The following USH1C variants were observed in gnomAD, a reference collection of about 807,000 sequenced individuals.
USH1C encodes harmonin.
In USH1C, 90 loss-of-function variants were observed where a neutral mutation model predicts 119.3. That is an observed-to-expected ratio of 0.75 (90% CI 0.64 to 0.90). USH1C has a LOEUF of 0.90. USH1C is among the 40% of genes least tolerant of loss of function. USH1C has a pLI of 0.00. For synonymous variants in USH1C, 465 were observed against 443.3 expected (o/e 1.05, Z -0.62); for missense variants, 1,165 against 1,167.7 (o/e 1.00, Z 0.03).
Position 17,498,299 on chromosome 11 carries a change from A to G in USH1C, c.2381-28T>C, listed in dbSNP as rs773197570. On this transcript the variant is annotated intron_variant, in intron 23 of 26. Transcript: ENST00000005226. Reference sequence around the variant, plus strand: ...GCAGGCAGATGAGGCTGATTGGCCAACTGGGCTGTATGTGACACGTGCCTG... The same window carrying G: ...GCAGGCAGATGAGGCTGATTGGCCAGCTGGGCTGTATGTGACACGTGCCTG... 11 of 1,607,150 alleles carry G rather than the reference A, an allele frequency of 6.8e-6. No individual in the cohort carries two copies. The Admixed American group carries it at 1.5e-4, about 22-fold the overall frequency.
intron 22 of USH1C, 120 bp downstream of exon 22, chr11:17,501,362 G>A (rs1231492532): frequency 8.2e-7 from 1 of 1,221,706 alleles, no homozygotes; most frequent in Non-Finnish European, 1.2e-6. Context: ...GAGAGGGGAG[G>A]ACAGTGGGGA....
chr11:17,523,224 A>G lies in USH1C; in HGVS notation c.863T>C (p.Ile288Thr), dbSNP rs1850498077. 6.2e-7 allele frequency: 1 copy of G among 1,614,154 alleles called. No individual in the cohort carries two copies. The highest frequency in any genetic ancestry group is 2.2e-5 in the East Asian group (1 of 44,872). The change falls in exon 11 of 27, where the codon ATT becomes ACT. Residue 288 changes from isoleucine to threonine, a missense_variant. Physicochemically the swap from Ile to Thr is moderately conservative, Grantham distance 89 (BLOSUM62 -1). Transcript: ENST00000005226. ...LKSSRSLTIS[I>T]VAAAGRELFM... ...TTCTGGACTTACAGCTGCAGCTACA[A>G]TGGAGATGGTCAGGCTGCGGCTACT...
Position 17,520,855 on chromosome 11 carries a change from G to C in USH1C, c.1210+15C>G. On this transcript the variant is annotated intron_variant, in intron 14 of 26. Coordinates refer to ENST00000005226, the MANE Select transcript of USH1C (RefSeq NM_153676.4). ...CTAGTTCCCTTAGCCTCTCCCCTCG[G>C]CTCATGAAACTTACACTTTGGCTTG... is the stretch of plus-strand genomic sequence containing the variant. 6.2e-7 allele frequency: 1 copy of C among 1,614,128 alleles called. No homozygotes were observed. Among genetic ancestry groups the C allele is most frequent in the South Asian group, 1.1e-5 (1 of 91,078 alleles).
In USH1C at chr11:17,509,525, T is replaced by C; in HGVS notation, c.1844A>G (p.Asp615Gly). Residue 615 changes from aspartate to glycine, a missense_variant, in exon 18 of 27, where the codon GAC (aspartate) becomes GGC (glycine). By Grantham distance (94) the Asp-to-Gly change is moderately conservative. Transcript: ENST00000005226. ...GGGCAGTGGGCGGGTGGGAGTGAGGTCTTGGGTGGGAACGGATGGCGGGGG... is the reference window on the plus strand; with the variant it reads ...GGGCAGTGGGCGGGTGGGAGTGAGGCCTTGGGTGGGAACGGATGGCGGGGG... ...IPPPPSVPTQ[D>G]LTPTRPLPSA... is the part of the protein sequence containing the mutation. 6.2e-7 allele frequency: 1 copy of C among 1,601,710 alleles called. No individual in the cohort carries two copies. The highest frequency in any genetic ancestry group is 8.5e-7 in the Non-Finnish European group (1 of 1,174,232).
At chr11:17,517,489 G>A in intron 14 of USH1C, 2 of 1,581,244 alleles carry the variant, frequency 1.3e-6, no homozygotes, top group Non-Finnish European at 1.7e-6. Context: ...CCAGGGAAAA[G>A]AGGAGGAAGC....
chr11:17,497,120 G>A (rs1849277201), intron 24 of USH1C, among the ~76,000 whole-genome samples: 1 of 151,800 alleles, frequency 6.6e-6, no homozygotes, highest in Admixed American at 6.6e-5. Context: ...AAAAGTGTAG[G>A]CTCGTAGACT....
rs201364621 is a variant in USH1C at position 17,509,766 on chromosome 11, C to T, written c.1603G>A (p.Gly535Arg). The T allele has an allele frequency of 2.1e-5, 33 of 1,598,786 alleles. 1 individual carries two copies. Among genetic ancestry groups the T allele is most frequent in the African/African-American group, 8.2e-5 (6 of 73,522 alleles). Residue 535 changes from glycine to arginine, a missense_variant, in exon 18 of 27, where the codon GGA (glycine) becomes AGA (arginine). Physicochemically the swap from Gly to Arg is moderately radical, Grantham distance 125 (BLOSUM62 -2). Transcript: ENST00000005226. ...LAPPLRRFAG[G>R]LHLHTTDLDD... ...AGGTCAGTGGTGTGCAGGTGCAGTCCGCCTGCGAAGCGTCTCAAGGGTGGG... is the reference window on the plus strand; with the variant it reads ...AGGTCAGTGGTGTGCAGGTGCAGTCTGCCTGCGAAGCGTCTCAAGGGTGGG...
At chr11:17,512,778 A>T (rs1849951564) in intron 15 of USH1C, among the ~76,000 whole-genome samples, 1 of 152,212 alleles carries the variant, frequency 6.6e-6, no homozygotes, top group South Asian at 2.1e-4. Flanking sequence ...GCTAGCTGGA[A>T]ACTGCAGGAC....
intron 13 of USH1C, 92 bp from the exon 14 acceptor site, chr11:17,521,086 A>G: frequency 1.3e-6 from 2 of 1,557,486 alleles, no homozygotes; most frequent in Non-Finnish European, 1.8e-6. Flanking sequence ...CCTGGGGAGA[A>G]GCCTCATGGT....
chr11:17,536,934 A>G (rs181359919), intron 1 of USH1C, among the ~76,000 whole-genome samples: 4 of 152,358 alleles, frequency 2.6e-5, no homozygotes, highest in Admixed American at 6.5e-5. Context: ...AACTGGTTAC[A>G]CAGGAGATCC....
intron 15 of USH1C, among the ~76,000 whole-genome samples, chr11:17,514,126 G>A (rs1406781329): frequency 6.6e-6 from 1 of 152,248 alleles, no homozygotes; most frequent in African/African-American, 2.4e-5. Context: ...TTCATGCCCT[G>A]GCACAAATTC....
chr11:17,501,803 G>A, intron 21 of USH1C, 136 bp downstream of exon 21: 1 of 1,041,960 alleles, frequency 9.6e-7, no homozygotes, highest in South Asian at 1.5e-5. Flanking sequence ...AGCAGCTGGG[G>A]CATCACTGGG....
intron 4 of USH1C, among the ~76,000 whole-genome samples, chr11:17,530,741 C>T (rs1015046829): frequency 6.6e-6 from 1 of 152,202 alleles, no homozygotes; most frequent in Non-Finnish European, 1.5e-5. Flanking sequence ...AGAATTGAAC[C>T]CGGCTAACCC....
Position 17,498,283 on chromosome 11 carries a change from T to C in USH1C, c.2381-12A>G, listed in dbSNP as rs772417845. 6.2e-7 allele frequency: 1 copy of C among 1,613,696 alleles called. No homozygotes were observed. The highest frequency in any genetic ancestry group is 8.5e-7 in the Non-Finnish European group (1 of 1,179,618). The stretch of plus-strand genomic sequence containing the variant: ...TTTCACAATGCCACCTGCAGGCAGA[T>C]GAGGCTGATTGGCCAACTGGGCTGT... On this transcript the variant is annotated splice_polypyrimidine_tract_variant and intron_variant, in intron 23 of 26. Coordinates refer to ENST00000005226, the MANE Select transcript of USH1C (RefSeq NM_153676.4).
chr11:17,516,672 C>A (rs1850159760), intron 14 of USH1C: 1 of 335,812 alleles, frequency 3.0e-6, no homozygotes, highest in Non-Finnish European at 5.8e-6. Flanking sequence ...CTTTTCTAAC[C>A]CATGTCTGGT....
Position 17,494,040 on chromosome 11 carries a change from T to G in USH1C, c.*292A>C. 1 of 486,356 alleles carries G rather than the reference T, an allele frequency of 2.1e-6. No individual in the cohort carries two copies. Among genetic ancestry groups the G allele is most frequent in the South Asian group, 2.2e-5 (1 of 45,882 alleles). 30.1% of individuals were successfully genotyped at this position (486,356 alleles called of 1,614,324 possible). A position where few individuals can be genotyped will look rare whatever the true frequency, so the allele number is the denominator to read the frequency against. ...GTCTTATTAGGGTTCAAGGAAGGAGTCCCCCAGAGCTGGGAGAGACCAAAT... is the reference window on the plus strand; with the variant it reads ...GTCTTATTAGGGTTCAAGGAAGGAGGCCCCCAGAGCTGGGAGAGACCAAAT... On this transcript the variant is annotated 3_prime_UTR_variant, in exon 27 of 27. Coordinates refer to ENST00000005226, the MANE Select transcript of USH1C (RefSeq NM_153676.4).
Position 17,510,434 on chromosome 11 carries a change from T to A in USH1C, c.1501A>T (p.Ile501Phe). The A allele has an allele frequency of 6.2e-7, 1 of 1,612,538 alleles. No homozygotes were observed. Among genetic ancestry groups the A allele is most frequent in the Non-Finnish European group, 8.5e-7 (1 of 1,179,772 alleles). ...GAAATCTCATTATCAGCAGAGGAAA[T>A]CTGCTCGAGGCGCGTTTGACAGAGC... ...ERLCQTRLEQ[I>F]SSADNEISEM... The change falls in exon 17 of 27, where the codon ATT (isoleucine) becomes TTT (phenylalanine). Residue 501 changes from isoleucine (I) to phenylalanine (F), a missense_variant. Ile to Phe is a conservative substitution (Grantham distance 21). Coordinates refer to ENST00000005226, the MANE Select transcript of USH1C (RefSeq NM_153676.4).
At chr11:17,495,260 C>T (rs1275585526) in intron 26 of USH1C, among the ~76,000 whole-genome samples, 3 of 152,210 alleles carry the variant, frequency 2.0e-5, no homozygotes, top group Non-Finnish European at 4.4e-5. Context: ...GAATGTTGCC[C>T]AGGGCTTCAT....
At chr11:17,497,637 T>A (rs2133770862) in intron 24 of USH1C, among the ~76,000 whole-genome samples, 1 of 152,348 alleles carries the variant, frequency 6.6e-6, no homozygotes, top group African/African-American at 2.4e-5. Flanking sequence ...GCACAGGTTG[T>A]GCATTGCACA....
Sources: gnomAD v4.1 joint callset for allele counts (sites outside exome capture counted in the v4.1 genomes callset) on GRCh38, gnomAD v4.1.1 for gene constraint, MANE v1.5 for transcripts, NCBI Gene and HGNC (gene_info 2026-07-23, HGNC 2026-07-21) for gene names.